Variants in DLGAP1 observed in about 807,000 individuals in gnomAD.
DLGAP1 encodes DLG associated protein 1.
In DLGAP1, 11 loss-of-function variants were observed where a neutral mutation model predicts 90.8. The ratio of observed to expected loss-of-function variants is 0.12; its 90% CI spans 0.08 to 0.20. The LOEUF is 0.20. Ranked by LOEUF, DLGAP1 falls within the 10% of genes least tolerant of loss-of-function variation. DLGAP1 has a pLI of 1.00. For synonymous variants in DLGAP1, 558 were observed against 540.7 expected (o/e 1.03, Z -0.44); for missense variants, 1,050 against 1,333.8 (o/e 0.79, Z 3.31).
intron 2 of DLGAP1, among the ~76,000 whole-genome samples, chr18:4,039,819 T>C (rs1299124068): frequency 6.6e-6 from 1 of 152,222 alleles, no homozygotes; most frequent in East Asian, 1.9e-4. Context: ...TAGCTTGTAT[T>C]TACTAAATCA....
intron 7 of DLGAP1, among the ~76,000 whole-genome samples, chr18:3,666,397 T>A (rs1323405627): frequency 6.6e-6 from 1 of 152,198 alleles, no homozygotes; most frequent in African/African-American, 2.4e-5. Context: ...CCTGCCAATG[T>A]TCTTAGTCAA....
At chr18:3,803,386 C>G (rs997360070) in intron 5 of DLGAP1, among the ~76,000 whole-genome samples, 1 of 152,146 alleles carries the variant, frequency 6.6e-6, no homozygotes, top group Admixed American at 6.5e-5. Context: ...GCTCTGAAGG[C>G]ACAAACCCCA....
chr18:3,959,393 G>A (rs140207339), intron 3 of DLGAP1, among the ~76,000 whole-genome samples: 14 of 152,212 alleles, frequency 9.2e-5, no homozygotes, highest in Middle Eastern at 3.4e-3. Flanking sequence ...GGGGCCGGGC[G>A]TGGTGGCGCA....
intron 3 of DLGAP1, among the ~76,000 whole-genome samples, chr18:3,982,843 A>T (rs2073763261): frequency 6.6e-6 from 1 of 152,210 alleles, no homozygotes; most frequent in Non-Finnish European, 1.5e-5. Flanking sequence ...AATGGTGGAA[A>T]ATCAAAACAT....
chr18:4,323,511 G>T (rs767461684), intron 1 of DLGAP1, among the ~76,000 whole-genome samples: 4 of 152,112 alleles, frequency 2.6e-5, no homozygotes, highest in Admixed American at 6.5e-5. Context: ...GTTCACAACA[G>T]CTAAGGTAGG....
At chr18:4,100,543 A>T (rs2075763628) in intron 2 of DLGAP1, among the ~76,000 whole-genome samples, 1 of 152,184 alleles carries the variant, frequency 6.6e-6, no homozygotes, top group African/African-American at 2.4e-5. Flanking sequence ...GCTTCAACTT[A>T]AAGTCACCAG....
At chr18:4,329,097 C>T (rs1038552938) in intron 1 of DLGAP1, among the ~76,000 whole-genome samples, 8 of 151,944 alleles carry the variant, frequency 5.3e-5, no homozygotes, top group African/African-American at 1.4e-4. Flanking sequence ...CTCACCAAAA[C>T]TCACAAAGAT....
chr18:4,239,963 CCTGTTTGTTTATTTAAACCT>C (rs1470488468), intron 1 of DLGAP1, among the ~76,000 whole-genome samples: 1 of 152,038 alleles, frequency 6.6e-6, no homozygotes, highest in Non-Finnish European at 1.5e-5. Flanking sequence ...TTTTCCATGC[CCTGTTTGTTTATTTAAACCT>C]CTTTTTTCAT....
At chr18:4,428,703 A>C (rs981736708) in intron 1 of DLGAP1, among the ~76,000 whole-genome samples, 1 of 152,180 alleles carries the variant, frequency 6.6e-6, no homozygotes, top group African/African-American at 2.4e-5. Context: ...CCAGAGGCAG[A>C]TGTTGCCATG....
intron 1 of DLGAP1, among the ~76,000 whole-genome samples, chr18:4,410,022 C>T (rs536108042): frequency 2.6e-5 from 4 of 152,166 alleles, no homozygotes; most frequent in East Asian, 1.9e-4. Flanking sequence ...TGGAAGAGAT[C>T]GGAGACTATT....
At chr18:4,169,324 G>A (rs547475669) in intron 1 of DLGAP1, among the ~76,000 whole-genome samples, 18 of 152,258 alleles carry the variant, frequency 1.2e-4, no homozygotes, top group African/African-American at 3.9e-4. Flanking sequence ...TTTTCTTAAT[G>A]TATATTTCCC....
At chr18:3,752,735 T>G (rs2063556603) in intron 5 of DLGAP1, among the ~76,000 whole-genome samples, 1 of 146,518 alleles carries the variant, frequency 6.8e-6, no homozygotes, top group Admixed American at 6.8e-5. Flanking sequence ...TTCCAACTCC[T>G]GGGCCTAAAC....
intron 10 of DLGAP1, among the ~76,000 whole-genome samples, chr18:3,515,419 A>G (rs1468415580): frequency 1.4e-5 from 2 of 144,222 alleles, no homozygotes; most frequent in African/African-American, 5.1e-5. Context: ...GAGTGAGCCA[A>G]GATCATGCCA....
intron 1 of DLGAP1, among the ~76,000 whole-genome samples, chr18:4,377,226 A>G (rs1253714765): frequency 6.6e-6 from 1 of 152,126 alleles, no homozygotes; most frequent in African/African-American, 2.4e-5. Context: ...GCACAAGAGA[A>G]TAAGAAATGA....
At chr18:3,907,004 T>C (rs2071922476) in intron 3 of DLGAP1, among the ~76,000 whole-genome samples, 1 of 152,266 alleles carries the variant, frequency 6.6e-6, no homozygotes, top group Non-Finnish European at 1.5e-5. Context: ...CAACAATTTA[T>C]GTTGTATTAA....
intron 2 of DLGAP1, among the ~76,000 whole-genome samples, chr18:4,021,539 T>G (rs1170944819): frequency 6.6e-6 from 1 of 152,200 alleles, no homozygotes; most frequent in African/African-American, 2.4e-5. Flanking sequence ...TCAAGAGAAT[T>G]AAACTCCTCT....
intron 7 of DLGAP1, among the ~76,000 whole-genome samples, chr18:3,611,574 C>T (rs961504880): frequency 2.6e-4 from 40 of 152,142 alleles, no homozygotes; most frequent in African/African-American, 6.5e-4. Context: ...AACGCGTCCC[C>T]GCCTCCCACC....
At chr18:3,992,837 G>C (rs1055156419) in intron 3 of DLGAP1, among the ~76,000 whole-genome samples, 2 of 152,044 alleles carry the variant, frequency 1.3e-5, no homozygotes, top group African/African-American at 4.8e-5. Flanking sequence ...GCTAATAGGG[G>C]GTCCCTGGAA....
Position 4,084,673 on chromosome 18 carries a change from C to T in DLGAP1, c.-159+66507G>A, listed in dbSNP as rs749721786. ...CCCTTTGTCTAATCTTACTTCTCCA[C>T]GATTATCTACTTATTTACCAAACTT... On this transcript the variant is annotated intron_variant, in intron 2 of 12. Transcript: ENST00000315677. This position sits in a 1 kb window ranked among gnomAD's most constrained non-coding sequence, Gnocchi z 4.0. Among the ~76,000 whole-genome samples the T allele has an allele frequency of 1.3e-5, 2 of 152,170 alleles. No homozygotes were observed. The highest frequency in any genetic ancestry group is 2.4e-5 in the African/African-American group (1 of 41,426).
Sources: gnomAD v4.1 joint callset for allele counts (sites outside exome capture counted in the v4.1 genomes callset) on GRCh38, gnomAD v4.1.1 for gene constraint, Gnocchi (gnomAD v3.1) non-coding constraint, MANE v1.5 for transcripts, NCBI Gene and HGNC (gene_info 2026-07-23, HGNC 2026-07-21) for gene names.